PARD3: variants seen among roughly 807,000 people sequenced by gnomAD.
PARD3 encodes the protein par-3 family cell polarity regulator.
A neutral mutation model predicts 155.4 loss-of-function variants in PARD3; 75 were observed. That is an observed-to-expected ratio of 0.48 (90% CI 0.40 to 0.58). The LOEUF (loss-of-function observed/expected upper bound fraction) is 0.58. PARD3 is among the 20% of genes least tolerant of loss of function. PARD3 has a pLI of 0.00. For missense variants in PARD3, 1,642 were observed against 1,721.7 expected, an observed-to-expected ratio of 0.95 and a Z score of 0.82; for synonymous variants, 576 against 610.5, an observed-to-expected ratio of 0.94 and a Z score of 0.83.
intron 20 of PARD3, among the ~76,000 whole-genome samples, chr10:34,305,037 TAAAGTATCTGTTCAGTTCATTTC>T (rs1218191439): frequency 6.6e-6 from 1 of 152,238 alleles, no homozygotes; most frequent in Non-Finnish European, 1.5e-5. Context: ...TCCATCACTT[TAAAGTATCTGTTCAGTTCATTTC>T]AAAGTATCTG....
intron 1 of PARD3, among the ~76,000 whole-genome samples, chr10:34,769,814 AAC>A (rs1491202058): frequency 6.6e-6 from 1 of 150,974 alleles, no homozygotes; most frequent in Non-Finnish European, 1.5e-5. Context: ...CAAAAAAAAA[AAC>A]AAGAAAACCA....
intron 22 of PARD3, among the ~76,000 whole-genome samples, chr10:34,196,913 C>T (rs1286090564): frequency 2.0e-5 from 3 of 152,116 alleles, no homozygotes; most frequent in African/African-American, 4.8e-5. Flanking sequence ...TGACAGCCCA[C>T]GAGGTGCCTC....
intron 1 of PARD3, among the ~76,000 whole-genome samples, chr10:34,745,373 G>A (rs1488088406): frequency 6.8e-6 from 1 of 147,074 alleles, no homozygotes; most frequent in East Asian, 2.1e-4. Flanking sequence ...ACAAAAGATA[G>A]AAAAGAAAGG....
intron 20 of PARD3, among the ~76,000 whole-genome samples, chr10:34,313,678 A>G (rs1957825328): frequency 6.6e-6 from 1 of 152,196 alleles, no homozygotes. Context: ...AACAAGGCCT[A>G]TCTATTTGAC....
rs536206158 is a variant in PARD3 at position 34,450,703 on chromosome 10, C to T, written c.583-255G>A. Among the ~76,000 whole-genome samples, 12 of 152,228 alleles carry T rather than the reference C, an allele frequency of 7.9e-5. No homozygotes were observed. In the East Asian group the frequency reaches 1.7e-3, roughly 22 times the overall value. On this transcript the variant is annotated intron_variant, in intron 4 of 24. Coordinates refer to ENST00000374788, the MANE Select transcript of PARD3 (RefSeq NM_001184785.2). ...CACACGGCACACAACAGACAAAACA[C>T]TACACTTTGCACTCCTACCCAAATC...
intron 22 of PARD3, among the ~76,000 whole-genome samples, chr10:34,139,213 T>C (rs988667643): frequency 2.0e-5 from 3 of 152,200 alleles, no homozygotes; most frequent in Non-Finnish European, 2.9e-5. Context: ...TAAGACTCAA[T>C]TCACTTATAC....
At chr10:34,191,892 T>C (rs2133269147) in intron 22 of PARD3, among the ~76,000 whole-genome samples, 1 of 152,240 alleles carries the variant, frequency 6.6e-6, no homozygotes, top group South Asian at 2.1e-4. Flanking sequence ...ACTTAATGAA[T>C]GATTTCTCCT....
chr10:34,399,811 T>C (rs1843705995), intron 6 of PARD3, among the ~76,000 whole-genome samples: 1 of 152,218 alleles, frequency 6.6e-6, no homozygotes, highest in African/African-American at 2.4e-5. Context: ...CTCTAAAGAT[T>C]AACTGAACAA....
intron 23 of PARD3, among the ~76,000 whole-genome samples, chr10:34,126,893 C>T (rs142211821): frequency 2.8e-4 from 42 of 151,914 alleles, no homozygotes; most frequent in Admixed American, 1.1e-3. Context: ...AGGTAATCAG[C>T]CTGTCATCCA....
chr10:34,599,942 C>A (rs994755064), intron 2 of PARD3, among the ~76,000 whole-genome samples: 1 of 152,086 alleles, frequency 6.6e-6, no homozygotes, highest in Non-Finnish European at 1.5e-5. Context: ...CAAACTGGAA[C>A]CTTTCCTCTA....
intron 21 of PARD3, among the ~76,000 whole-genome samples, chr10:34,271,738 A>G (rs975697147): frequency 6.6e-6 from 1 of 152,226 alleles, no homozygotes; most frequent in African/African-American, 2.4e-5. Flanking sequence ...ATGGAAAAGG[A>G]AGAAATAAAA....
intron 5 of PARD3, among the ~76,000 whole-genome samples, chr10:34,447,751 A>T (rs994367060): frequency 1.3e-5 from 2 of 150,728 alleles, no homozygotes; most frequent in African/African-American, 4.9e-5. Flanking sequence ...GTTGTGGTGA[A>T]CCGAGATCGC....
intron 7 of PARD3, among the ~76,000 whole-genome samples, chr10:34,391,422 G>A (rs896489835): frequency 2.0e-5 from 3 of 152,064 alleles, no homozygotes; most frequent in African/African-American, 7.2e-5. Context: ...CACAGAGCTC[G>A]GTGGTGTTGA....
chr10:34,279,998 T>C (rs1168916863), intron 21 of PARD3, among the ~76,000 whole-genome samples: 5 of 152,178 alleles, frequency 3.3e-5, no homozygotes, highest in African/African-American at 1.2e-4. Context: ...TATGCAGATA[T>C]AGATAATAAT....
intron 3 of PARD3, among the ~76,000 whole-genome samples, chr10:34,483,259 A>C (rs2079209227): frequency 6.6e-6 from 1 of 152,202 alleles, no homozygotes; most frequent in Non-Finnish European, 1.5e-5. Context: ...AGGCAGGTGG[A>C]TCACTTGAGC....
intron 1 of PARD3, among the ~76,000 whole-genome samples, chr10:34,711,714 T>C (rs1345229401): frequency 1.3e-5 from 2 of 152,052 alleles, no homozygotes; most frequent in African/African-American, 2.4e-5. Context: ...AATACCCCTA[T>C]TGGGTATAGG....
intron 1 of PARD3, among the ~76,000 whole-genome samples, chr10:34,779,051 C>G (rs541759688): frequency 3.5e-4 from 54 of 152,356 alleles, no homozygotes; most frequent in Non-Finnish European, 6.3e-4. Flanking sequence ...TGACTCATAC[C>G]TGTAATCCCA....
intron 1 of PARD3, among the ~76,000 whole-genome samples, chr10:34,751,771 C>CT (rs546186706): frequency 0.27 from 36,751 of 137,522 alleles, 5,137 homozygotes; most frequent in East Asian, 0.52. Context: ...GCCTGTCTAG[C>CT]TTTTTTTTTT....
At chr10:34,206,905 T>A (rs1423139588) in intron 22 of PARD3, among the ~76,000 whole-genome samples, 1 of 152,086 alleles carries the variant, frequency 6.6e-6, no homozygotes, top group Non-Finnish European at 1.5e-5. Flanking sequence ...CACTACTAGA[T>A]CGAGGTCTTG....
Sources: allele counts gnomAD v4.1 joint callset (sites outside exome capture counted in the v4.1 genomes callset), GRCh38; gene constraint gnomAD v4.1.1; transcripts MANE v1.5; gene names NCBI Gene and HGNC (gene_info 2026-07-23, HGNC 2026-07-21).